PITPNM3: variants seen among roughly 807,000 people sequenced by gnomAD.
PITPNM3 encodes PITPNM family member 3, also known as membrane-associated phosphatidylinositol transfer protein 3.
A neutral mutation model predicts 102.0 loss-of-function variants in PITPNM3; 26 were observed. The observed-to-expected ratio is 0.25, with a 90% CI of 0.19 to 0.35. PITPNM3 has a LOEUF of 0.35. Ranked by LOEUF, PITPNM3 falls within the 10% of genes least tolerant of loss-of-function variation. PITPNM3 has a pLI of 1.00. For missense variants in PITPNM3, 1,083 were observed against 1,346.1 expected, an observed-to-expected ratio of 0.80 and a Z score of 3.06; for synonymous variants, 578 against 558.6, an observed-to-expected ratio of 1.03 and a Z score of -0.49.
chr17:6,522,702 A>G (rs1045388220), intron 3 of PITPNM3, among the ~76,000 whole-genome samples: 2 of 152,156 alleles, frequency 1.3e-5, no homozygotes, highest in African/African-American at 2.4e-5. Context: ...AGAAGACAAG[A>G]GGATCTGCTC....
At chr17:6,520,255 GTGTGCAAATATAAATTTGCAC>G (rs1908431333) in intron 3 of PITPNM3, among the ~76,000 whole-genome samples, 1 of 152,178 alleles carries the variant, frequency 6.6e-6, no homozygotes, top group Non-Finnish European at 1.5e-5. Context: ...TCCATGGTTG[GTGTGCAAATATAAATTTGCAC>G]TGTTTTTTGG....
chr17:6,481,985 C>CCTCTCTCTCTCTCTCT (rs773528111), intron 6 of PITPNM3, among the ~76,000 whole-genome samples: 2 of 56,142 alleles, frequency 3.6e-5, no homozygotes, highest in African/African-American at 6.3e-5. Context: ...GAAAACAGAA[C>CCTCTCTCTCTCTCTCT]CTCTCTCTCT....
chr17:6,509,757 T>C (rs1907760102), intron 3 of PITPNM3, among the ~76,000 whole-genome samples: 1 of 152,142 alleles, frequency 6.6e-6, no homozygotes, highest in Non-Finnish European at 1.5e-5. Context: ...CGTAAGCCCC[T>C]GCACTCATTC....
intron 2 of PITPNM3, among the ~76,000 whole-genome samples, chr17:6,535,109 G>T (rs1249207051): frequency 6.6e-6 from 1 of 152,100 alleles, no homozygotes; most frequent in African/African-American, 2.4e-5. Flanking sequence ...TGGATTTAAT[G>T]GTGTTGGCCC....
intron 3 of PITPNM3, among the ~76,000 whole-genome samples, chr17:6,515,227 C>A (rs1290416842): frequency 6.6e-6 from 1 of 151,658 alleles, no homozygotes; most frequent in Non-Finnish European, 1.5e-5. Flanking sequence ...GAAACCCTGT[C>A]TCTACTAAAA....
rs1555550328 is a variant in PITPNM3 at position 6,455,659 on chromosome 17, G to GAGTGC, written c.2620-17_2620-16insGCACT. 6.0e-3 allele frequency: 9,199 copies of GAGTGC among 1,534,566 alleles called. 40 individuals carry two copies. Among genetic ancestry groups the GAGTGC allele is most frequent in the Non-Finnish European group, 7.0e-3 (8,077 of 1,158,340 alleles). On this transcript the variant is annotated splice_polypyrimidine_tract_variant and intron_variant, in intron 19 of 19. Transcript: ENST00000262483. Reference sequence around the variant, plus strand: ...CGCTCAGGAACTGCGGAGGGCAGGGGAGGGCAGGGGAGGGCAGGGCAGGGC... The same window carrying GAGTGC: ...CGCTCAGGAACTGCGGAGGGCAGGGGAGTGCAGGGCAGGGGAGGGCAGGGCAGGGC...
chr17:6,532,758 T>C (rs113960347), intron 2 of PITPNM3, among the ~76,000 whole-genome samples: 1 of 152,140 alleles, frequency 6.6e-6, no homozygotes, highest in African/African-American at 2.4e-5. Context: ...ATCAAGCTGC[T>C]GGGAACATTC....
rs112125240 is a variant in PITPNM3 at position 6,514,495 on chromosome 17, C to T, written c.226+10861G>A. On this transcript the variant is annotated intron_variant, in intron 3 of 19. Transcript: ENST00000262483. ...GATAAACAAACGATGAATAAGCACA[C>T]GAAAAGATGCTCAACATCATTAGTC... Among the ~76,000 whole-genome samples, 116 of 152,180 alleles carry T rather than the reference C, an allele frequency of 7.6e-4. 1 individual carries two copies. Among genetic ancestry groups the T allele is most frequent in the African/African-American group, 2.5e-3 (104 of 41,526 alleles).
At position 6,458,816 on chromosome 17, in the gene PITPNM3, T is replaced by C. The variant is rs984776612; in HGVS notation, c.2491-1094A>G. On this transcript the variant is annotated intron_variant, in intron 18 of 19. Transcript: ENST00000262483. This position sits in a 1 kb window ranked among gnomAD's most constrained non-coding sequence, Gnocchi z 5.1. ...CACCTGCCCGGCCAAATCTCAGCCCTGGAAATTTTTTCCACTATCCACCTT... is the reference window on the plus strand; with the variant it reads ...CACCTGCCCGGCCAAATCTCAGCCCCGGAAATTTTTTCCACTATCCACCTT... 4.6e-5 allele frequency among the ~76,000 whole-genome samples: 7 copies of C among 152,006 alleles called. No individual in the cohort carries two copies. The highest frequency in any genetic ancestry group is 1.7e-4 in the African/African-American group (7 of 41,402).
intron 1 of PITPNM3, among the ~76,000 whole-genome samples, chr17:6,543,459 A>G (rs1005220862): frequency 7.2e-5 from 11 of 152,370 alleles, no homozygotes; most frequent in Admixed American, 7.2e-4. Flanking sequence ...CCTCAGGCGA[A>G]GGGAGATGCC....
intron 1 of PITPNM3, among the ~76,000 whole-genome samples, chr17:6,542,184 A>G (rs1909766467): frequency 6.6e-6 from 1 of 152,236 alleles, no homozygotes; most frequent in African/African-American, 2.4e-5. Flanking sequence ...TGGGGGGCTC[A>G]GCTGTCCCAG....
chr17:6,509,830 C>T (rs1345660235), intron 3 of PITPNM3, among the ~76,000 whole-genome samples: 4 of 152,202 alleles, frequency 2.6e-5, no homozygotes, highest in African/African-American at 9.7e-5. Flanking sequence ...AAGTGGCTCT[C>T]CGCTCCCCTG....
Position 6,483,672 on chromosome 17 carries a change from G to A in PITPNM3, c.432C>T (p.Ala144=), listed in dbSNP as rs149039090. The change falls in exon 6 of 20, where the codon GCC becomes GCT. Residue 144 remains alanine, a synonymous_variant. Transcript: ENST00000262483. Reference sequence around the variant, plus strand: ...CGGCTGCCTTGCAGGACGGGTCCCCGGCACCCGTGTCCAGGATGTTTCCCC... The same window carrying A: ...CGGCTGCCTTGCAGGACGGGTCCCCAGCACCCGTGTCCAGGATGTTTCCCC... ...LHGGNILDTG[A]GDPSCKAADI... 5.2e-4 allele frequency: 834 copies of A among 1,614,014 alleles called. 7 individuals are homozygous for A. The African/African-American group carries it at 9.7e-3, about 19-fold the overall frequency.
chr17:6,484,104 C>G (rs998447949), intron 5 of PITPNM3, 112 bp downstream of exon 5: 7 of 1,232,410 alleles, frequency 5.7e-6, no homozygotes, highest in Non-Finnish European at 7.1e-6. Context: ...CAGGGTCACA[C>G]AGCAAGTCAG....
Position 6,469,317 on chromosome 17 carries a change from G to A in PITPNM3, c.1773+943C>T, listed in dbSNP as rs981870575. ...TCACACTTCACACACCCAGACAGTC[G>A]TGGATGTGCCACGTGGGGCACAGGT... On this transcript the variant is annotated intron_variant, in intron 13 of 19. Transcript: ENST00000262483. This position sits in a 1 kb window ranked among gnomAD's most constrained non-coding sequence, Gnocchi z 4.0. 5.3e-5 allele frequency among the ~76,000 whole-genome samples: 8 copies of A among 152,146 alleles called. No homozygotes were observed. The highest frequency in any genetic ancestry group is 1.2e-4 in the Non-Finnish European group (8 of 68,030).
rs553844137 is a variant in PITPNM3, at chr17:6,451,631, C to A, written c.*3707G>T. 6.6e-6 allele frequency: 1 copy of A among 152,280 alleles called. No homozygotes were observed. Among genetic ancestry groups the A allele is most frequent in the Non-Finnish European group, 1.5e-5 (1 of 68,094 alleles). The allele number at this position is 152,280 out of a possible 1,614,324, so 9.4% of individuals were successfully genotyped here. On this transcript the variant is annotated 3_prime_UTR_variant, in exon 20 of 20. Transcript: ENST00000262483. ...AGTCGCCCTCCTCTGGCCTGCCCCC[C>A]CTCGGGTCACCTGTTTCTCCTTTGC...
At chr17:6,471,812 G>A (rs1905090605) in intron 11 of PITPNM3, among the ~76,000 whole-genome samples, 2 of 152,176 alleles carry the variant, frequency 1.3e-5, no homozygotes, top group Non-Finnish European at 2.9e-5. Context: ...GATAGCCTCA[G>A]GGGAGGGAGG....
In PITPNM3 at chr17:6,517,648, C is replaced by T. The variant is rs761768132; in HGVS notation, c.226+7708G>A. On this transcript the variant is annotated intron_variant, in intron 3 of 19. Transcript: ENST00000262483. The surrounding 1 kb of genome is among the most constrained non-coding windows in gnomAD (Gnocchi z 4.1). The stretch of plus-strand genomic sequence containing the variant: ...AAGCATGGCTCACTGCAGCCTTAAC[C>T]TCCTGGGTTCAAGCAACCCTCTCAC... 6.6e-6 allele frequency among the ~76,000 whole-genome samples: 1 copy of T among 152,112 alleles called. No individual in the cohort carries two copies. Among genetic ancestry groups the T allele is most frequent in the Non-Finnish European group, 1.5e-5 (1 of 68,024 alleles).
intron 3 of PITPNM3, among the ~76,000 whole-genome samples, chr17:6,515,170 C>T (rs1017963341): frequency 1.3e-4 from 20 of 151,724 alleles, no homozygotes; most frequent in African/African-American, 4.1e-4. Context: ...CCGAGGTGGG[C>T]GGATCACTTG....
Sources: allele counts gnomAD v4.1 joint callset (sites outside exome capture counted in the v4.1 genomes callset), GRCh38; gene constraint gnomAD v4.1.1; non-coding constraint Gnocchi (gnomAD v3.1); transcripts MANE v1.5; gene names NCBI Gene and HGNC (gene_info 2026-07-23, HGNC 2026-07-21).